COPS4: variants seen among roughly 807,000 people sequenced by gnomAD.
COPS4 encodes the protein COP9 signalosome subunit 4.
A neutral mutation model predicts 55.1 loss-of-function variants in COPS4; 8 were observed. The observed-to-expected ratio is 0.15, with a 90% CI of 0.09 to 0.26. The LOEUF is 0.26. COPS4 is among the 10% of genes least tolerant of loss of function. The pLI, the probability that COPS4 is intolerant of heterozygous loss-of-function variation, is 1.00. For synonymous variants in COPS4, 185 were observed against 165.7 expected (o/e 1.12, Z -0.90); for missense variants, 248 against 484.0 (o/e 0.51, Z 4.58).
intron 9 of COPS4, among the ~76,000 whole-genome samples, chr4:83,070,255 T>A (rs536084206): frequency 2.0e-4 from 30 of 152,342 alleles, no homozygotes; most frequent in Admixed American, 3.9e-4. Flanking sequence ...CTTATGCTAC[T>A]GAGTTTCCAT....
intron 6 of COPS4, among the ~76,000 whole-genome samples, chr4:83,058,858 T>TA (rs1455883491): frequency 1.3e-5 from 2 of 152,214 alleles, no homozygotes; most frequent in Admixed American, 6.5e-5. Flanking sequence ...CAAAGGTACA[T>TA]ACTTTTGAAT....
intron 4 of COPS4, among the ~76,000 whole-genome samples, chr4:83,055,646 T>A (rs1730995342): frequency 1.3e-5 from 2 of 152,094 alleles, no homozygotes; most frequent in African/African-American, 2.4e-5. Flanking sequence ...TTTCACCATA[T>A]TGGTCAGGCT....
chr4:83,060,810 C>T (rs1485669961), intron 6 of COPS4, among the ~76,000 whole-genome samples: 2 of 151,400 alleles, frequency 1.3e-5, no homozygotes, highest in Admixed American at 6.6e-5. Flanking sequence ...CCGAGGTGGG[C>T]GGAGCACTGA....
intron 9 of COPS4, among the ~76,000 whole-genome samples, chr4:83,075,058 A>T (rs957884486): frequency 6.6e-6 from 1 of 152,010 alleles, no homozygotes; most frequent in African/African-American, 2.4e-5. Flanking sequence ...TGGAGGTTGC[A>T]GTGAGCCGAG....
intron 7 of COPS4, chr4:83,065,048 A>AT (rs1156926007): frequency 5.8e-6 from 4 of 689,366 alleles, no homozygotes; most frequent in East Asian, 2.8e-5. Context: ...TAATTTTTAA[A>AT]TTTTTTTGTA....
At chr4:83,059,988 A>G (rs1731120601) in intron 6 of COPS4, among the ~76,000 whole-genome samples, 1 of 152,034 alleles carries the variant, frequency 6.6e-6, no homozygotes, top group African/African-American at 2.4e-5. Context: ...GGTGTGAGCC[A>G]CCGCACCCGG....
chr4:83,053,985 T>C (rs988772286), intron 4 of COPS4, among the ~76,000 whole-genome samples: 2 of 152,156 alleles, frequency 1.3e-5, no homozygotes, highest in African/African-American at 4.8e-5. Context: ...CTATTGCTTA[T>C]TGTATTGAAA....
intron 4 of COPS4, among the ~76,000 whole-genome samples, chr4:83,054,506 T>G (rs1436149602): frequency 3.3e-5 from 5 of 152,210 alleles, no homozygotes; most frequent in Admixed American, 6.6e-5. Context: ...TTTATGAAAT[T>G]ACTTGGCAAT....
intron 4 of COPS4, among the ~76,000 whole-genome samples, chr4:83,051,211 C>T (rs1251997783): frequency 6.6e-6 from 1 of 151,182 alleles, no homozygotes; most frequent in African/African-American, 2.4e-5. Context: ...CCAACTTGGA[C>T]AACATATTGA....
intron 9 of COPS4, among the ~76,000 whole-genome samples, chr4:83,069,716 A>G (rs965222703): frequency 1.6e-4 from 25 of 152,078 alleles, no homozygotes; most frequent in Non-Finnish European, 1.6e-4. Flanking sequence ...CTCTCATTCA[A>G]TTTGAAATTT....
intron 7 of COPS4, among the ~76,000 whole-genome samples, chr4:83,063,553 G>A (rs541968254): frequency 2.7e-5 from 4 of 150,020 alleles, no homozygotes; most frequent in East Asian, 2.0e-4. Flanking sequence ...GACTACAGGC[G>A]CCCGCCACCA....
intron 1 of COPS4, among the ~76,000 whole-genome samples, chr4:83,038,449 T>A (rs1002837157): frequency 6.6e-6 from 1 of 152,122 alleles, no homozygotes; most frequent in Non-Finnish European, 1.5e-5. Context: ...AACAAACACA[T>A]CTACCTTTTT....
chr4:83,050,049 T>C (rs1340447323), intron 4 of COPS4, 65 bp downstream of exon 4: 2 of 960,334 alleles, frequency 2.1e-6, no homozygotes, highest in South Asian at 1.6e-5. Context: ...ACTTATATTT[T>C]TTCTTACATT....
At chr4:83,060,308 G>A (rs187845763) in intron 6 of COPS4, among the ~76,000 whole-genome samples, 3 of 138,934 alleles carry the variant, frequency 2.2e-5, no homozygotes, top group Non-Finnish European at 4.6e-5. Flanking sequence ...CTCAGCCTCC[G>A]GAGTAGCTGG....
At chr4:83,064,054 G>A (rs1289455852) in intron 7 of COPS4, among the ~76,000 whole-genome samples, 2 of 152,092 alleles carry the variant, frequency 1.3e-5, no homozygotes, top group African/African-American at 2.4e-5. Flanking sequence ...TATATATTAT[G>A]GCTGGGCATG....
chr4:83,072,967 A>C lies in COPS4; in HGVS notation c.1088-2330A>C, dbSNP rs151132667. Among the ~76,000 whole-genome samples, 905 of 152,290 alleles carry C rather than the reference A, an allele frequency of 5.9e-3. 7 individuals are homozygous for C. Among genetic ancestry groups the C allele is most frequent in the African/African-American group, 0.02 (845 of 41,564 alleles). ...TGAGGTGGAAGAATTGCTTGAGCTCAAGAGTTCAAGTCTAGCCTAGGCAAC... is the reference window on the plus strand; with the variant it reads ...TGAGGTGGAAGAATTGCTTGAGCTCCAGAGTTCAAGTCTAGCCTAGGCAAC... On this transcript the variant is annotated intron_variant, in intron 9 of 9. Transcript: ENST00000264389.
At chr4:83,057,212 T>C in intron 5 of COPS4, 46 bp from the exon 6 acceptor site, 3 of 1,551,484 alleles carry the variant, frequency 1.9e-6, no homozygotes, top group South Asian at 1.2e-5. Context: ...TGTTTAACTC[T>C]TGCTTTTTAA....
At chr4:83,056,223 C>G (rs564813840) in intron 4 of COPS4, among the ~76,000 whole-genome samples, 3 of 152,110 alleles carry the variant, frequency 2.0e-5, no homozygotes, top group Non-Finnish European at 1.5e-5. Flanking sequence ...TGAGCCACCA[C>G]GCCCGGCCTT....
At chr4:83,050,842 G>T (rs1342889192) in intron 4 of COPS4, among the ~76,000 whole-genome samples, 1 of 152,094 alleles carries the variant, frequency 6.6e-6, no homozygotes, top group Non-Finnish European at 1.5e-5. Context: ...AAATGAGGGG[G>T]AGCCATTGGA....
Sources: gnomAD v4.1 joint callset for allele counts (sites outside exome capture counted in the v4.1 genomes callset) on GRCh38, gnomAD v4.1.1 for gene constraint, MANE v1.5 for transcripts, NCBI Gene and HGNC (gene_info 2026-07-23, HGNC 2026-07-21) for gene names.